The following DRG1 variants were observed in gnomAD, a reference collection of about 807,000 sequenced individuals.
The protein encoded by DRG1 is developmentally-regulated GTP-binding protein 1.
In DRG1, 19 loss-of-function variants were observed where a neutral mutation model predicts 38.8. The observed-to-expected ratio is 0.49, with a 90% CI of 0.34 to 0.72. The LOEUF (loss-of-function observed/expected upper bound fraction) is 0.72, where lower values mean the gene tolerates loss of function less well. Ranked by LOEUF, DRG1 falls within the 30% of genes least tolerant of loss-of-function variation. DRG1 has a pLI of 0.01. For synonymous variants in DRG1, 167 were observed against 157.5 expected, an observed-to-expected ratio of 1.06 and a Z score of -0.45; for missense variants, 299 against 444.8, an observed-to-expected ratio of 0.67 and a Z score of 2.95.
At chr22:31,433,809 A>G in intron 8 of DRG1, 63 bp from the exon 9 acceptor site, 1 of 1,482,250 alleles carries the variant, frequency 6.7e-7, no homozygotes, top group Middle Eastern at 1.7e-4. Context: ...GGTGGCATCC[A>G]GGCAAATAGG....
At chr22:31,408,740 G>C (rs1469318581) in intron 3 of DRG1, among the ~76,000 whole-genome samples, 2 of 114,216 alleles carry the variant, frequency 1.8e-5, no homozygotes, top group Non-Finnish European at 3.4e-5. Context: ...GCGATAGAGC[G>C]AGACTCATTC....
At chr22:31,421,700 C>T (rs906754612) in intron 5 of DRG1, among the ~76,000 whole-genome samples, 3 of 151,644 alleles carry the variant, frequency 2.0e-5, no homozygotes, top group Non-Finnish European at 2.9e-5. Flanking sequence ...AGTGAGACCC[C>T]ATCTCTATAA....
chr22:31,413,609 GTTT>G (rs35654476), intron 4 of DRG1, among the ~76,000 whole-genome samples: 30 of 60,476 alleles, frequency 5.0e-4, no homozygotes, highest in Admixed American at 1.0e-3. Context: ...CCTATTGTGG[GTTT>G]TTTTTTTTTT....
intron 2 of DRG1, 148 bp from the exon 3 acceptor site, chr22:31,402,881 G>A: frequency 1.2e-6 from 1 of 820,284 alleles, no homozygotes; most frequent in Non-Finnish European, 1.9e-6. Context: ...CAAGTTTTGT[G>A]TGCTTTAGTT....
intron 3 of DRG1, among the ~76,000 whole-genome samples, chr22:31,408,018 C>T (rs1471924237): frequency 2.7e-5 from 4 of 149,160 alleles, no homozygotes; most frequent in East Asian, 2.0e-4. Context: ...CCCAGCTACT[C>T]GGGAGGCTGA....
intron 6 of DRG1, among the ~76,000 whole-genome samples, chr22:31,426,015 A>G (rs968585587): frequency 5.9e-5 from 9 of 152,226 alleles, no homozygotes; most frequent in African/African-American, 1.4e-4. Context: ...GGTAGATGCT[A>G]TATCAGTTTT....
chr22:31,404,517 G>A (rs1223150742), intron 3 of DRG1, among the ~76,000 whole-genome samples: 1 of 152,050 alleles, frequency 6.6e-6, no homozygotes, highest in African/African-American at 2.4e-5. Flanking sequence ...TGGGATTACA[G>A]GCGTGAGCCA....
At position 31,406,960 on chromosome 22, in the gene DRG1, T is replaced by C. The variant is rs973914406; in HGVS notation, c.342+3756T>C. On this transcript the variant is annotated intron_variant, in intron 3 of 8. Transcript: ENST00000331457. The stretch of plus-strand genomic sequence containing the variant: ...CTGCAGTAGTCTCTGTCTTATCTTT[T>C]GTGACCTTGTCACTCTCAAAGAGTA... Among the ~76,000 whole-genome samples, 4 of 152,236 alleles carry C rather than the reference T, an allele frequency of 2.6e-5. 1 individual carries two copies. The South Asian group carries it at 8.3e-4, about 32-fold the overall frequency.
intron 4 of DRG1, among the ~76,000 whole-genome samples, chr22:31,417,008 G>A (rs929538395): frequency 2.7e-5 from 4 of 150,862 alleles, no homozygotes; most frequent in Non-Finnish European, 4.4e-5. Context: ...AATCTGCAGT[G>A]AGCCATGATC....
chr22:31,428,877 T>C (rs2145871594), intron 8 of DRG1, among the ~76,000 whole-genome samples: 1 of 152,288 alleles, frequency 6.6e-6, no homozygotes, highest in Admixed American at 6.5e-5. Context: ...TTGGTAAGAA[T>C]ACCACAAAAA....
At chr22:31,414,856 T>C (rs1403699103) in intron 4 of DRG1, among the ~76,000 whole-genome samples, 1 of 151,702 alleles carries the variant, frequency 6.6e-6, no homozygotes, top group African/African-American at 2.4e-5. Context: ...CACAGCTCAC[T>C]GCAGCCTCAA....
rs1376035805 is a variant in DRG1, at chr22:31,433,930, A to G, written c.1063A>G (p.Thr355Ala). 6.2e-7 allele frequency: 1 copy of G among 1,613,972 alleles called. No individual in the cohort carries two copies. Residue 355 changes from threonine (T) to alanine (A), a missense_variant, in exon 9 of 9, where the codon ACG becomes GCG. Transcript: ENST00000331457. ...TCCTCAGAAAGTGGGTAAAGACCAT[A>G]CGTTGGAGGATGAGGATGTCATTCA... ...HNPQKVGKDHTLEDEDVIQIV... is the reference protein window; with the variant it reads ...HNPQKVGKDHALEDEDVIQIV...
At chr22:31,423,494 G>T (rs2145868564) in intron 6 of DRG1, 84 bp downstream of exon 6, 384 of 901,252 alleles carry the variant, frequency 4.3e-4, no homozygotes, top group Non-Finnish European at 5.4e-4. Flanking sequence ...TCTGGCAGAA[G>T]TTTATCTTAA....
At chr22:31,399,790 T>C in intron 1 of DRG1, 65 bp downstream of exon 1, 2 of 1,611,572 alleles carry the variant, frequency 1.2e-6, no homozygotes, top group Non-Finnish European at 1.7e-6. Context: ...CGTCGCTCCT[T>C]CCTGTTCTCC....
At chr22:31,428,751 C>A (rs557045014) in intron 8 of DRG1, among the ~76,000 whole-genome samples, 1 of 152,116 alleles carries the variant, frequency 6.6e-6, no homozygotes, top group African/African-American at 2.4e-5. Context: ...CTTAGACTTT[C>A]ACTGTCATTG....
intron 8 of DRG1, among the ~76,000 whole-genome samples, chr22:31,429,048 G>A (rs2050125751): frequency 6.6e-6 from 1 of 152,020 alleles, no homozygotes; most frequent in Non-Finnish European, 1.5e-5. Flanking sequence ...TAAGTATCTC[G>A]GGGTACTTTT....
chr22:31,415,456 C>G (rs2050039124), intron 4 of DRG1, among the ~76,000 whole-genome samples: 2 of 151,862 alleles, frequency 1.3e-5, no homozygotes, highest in African/African-American at 4.8e-5. Context: ...GAATAAAAAT[C>G]CTTAATTTTG....
At chr22:31,426,808 T>C in intron 7 of DRG1, 26 bp downstream of exon 7, 1 of 1,608,616 alleles carries the variant, frequency 6.2e-7, no homozygotes, top group Non-Finnish European at 8.5e-7. Context: ...TAGGGTAATG[T>C]TGCTATAGGA....
chr22:31,411,140 T>C (rs1245145532), intron 4 of DRG1, 59 bp downstream of exon 4: 4 of 1,569,960 alleles, frequency 2.5e-6, no homozygotes, highest in Non-Finnish European at 3.5e-6. Context: ...TACTATTCTT[T>C]TAGTCAGGGA....
Sources: gnomAD v4.1 joint callset for allele counts (sites outside exome capture counted in the v4.1 genomes callset) on GRCh38, gnomAD v4.1.1 for gene constraint, MANE v1.5 for transcripts, NCBI Gene and HGNC (gene_info 2026-07-23, HGNC 2026-07-21) for gene names.